The following OR6C2 variants were observed in gnomAD, a reference collection of about 807,000 sequenced individuals.
OR6C2 encodes the protein olfactory receptor 6C2.
For missense variants in OR6C2, 435 were observed against 365.8 expected (o/e 1.19, Z -1.54); for synonymous variants, 146 against 134.2 (o/e 1.09, Z -0.61).
At chr12:55,447,968 G>A (rs774456770) in intron 1 of OR6C2, among the ~76,000 whole-genome samples, 8 of 152,016 alleles carry the variant, frequency 5.3e-5, no homozygotes, top group Non-Finnish European at 8.8e-5. Context: ...GTGTACAAGC[G>A]TTTCTATTTC....
At chr12:55,450,506 A>C (rs1326325924) in intron 1 of OR6C2, among the ~76,000 whole-genome samples, 1 of 152,138 alleles carries the variant, frequency 6.6e-6, no homozygotes, top group Non-Finnish European at 1.5e-5. Context: ...AGCAATAGGT[A>C]ACACCAGTGG....
In OR6C2 at chr12:55,447,471, T is replaced by C. The variant is rs117763760; in HGVS notation, c.-888+3312T>C. ...CTGCATAACTGAAACTTTATAACTATTGAACAACAACTCCCCATTTTCCCA... is the reference window on the plus strand; with the variant it reads ...CTGCATAACTGAAACTTTATAACTACTGAACAACAACTCCCCATTTTCCCA... On this transcript the variant is annotated intron_variant, in intron 1 of 1. Coordinates refer to ENST00000641202, the MANE Select transcript of OR6C2 (RefSeq NM_054105.2). Among the ~76,000 whole-genome samples, 560 of 152,254 alleles carry C rather than the reference T, an allele frequency of 3.7e-3. 19 individuals carry two copies. The East Asian group carries it at 0.082, about 22-fold the overall frequency.
chr12:55,452,060 T>C lies in OR6C2; in HGVS notation c.-154T>C, dbSNP rs941434481. 1 of 526,208 alleles carries C rather than the reference T, an allele frequency of 1.9e-6. No homozygotes were observed. The highest frequency in any genetic ancestry group is 3.3e-6 in the Non-Finnish European group (1 of 300,346). 32.6% of individuals were successfully genotyped at this position (526,208 alleles called of 1,614,324 possible). A position where few individuals can be genotyped will look rare whatever the true frequency, so the allele number is the denominator to read the frequency against. ...AAATTTAGAAAGGTTATTGGAACAC[T>C]GGCAACATTGATTATTCTATAAAGG... On this transcript the variant is annotated 5_prime_UTR_variant, in exon 2 of 2. Transcript: ENST00000641202.
Position 55,452,945 on chromosome 12 carries a change from T to C in OR6C2, c.732T>C (p.Ile244=). 1 of 1,613,698 alleles carries C rather than the reference T, an allele frequency of 6.2e-7. No homozygotes were observed. Among genetic ancestry groups the C allele is most frequent in the Non-Finnish European group, 8.5e-7 (1 of 1,179,748 alleles). Residue 244 remains isoleucine (I), a synonymous_variant, in exon 2 of 2, where the codon ATT becomes ATC. Coordinates refer to ENST00000641202, the MANE Select transcript of OR6C2 (RefSeq NM_054105.2). ...KAFSTCSSHM[I]VVSIAYGSCI... ...TTTCTACCTGTTCATCCCACATGAT[T>C]GTGGTTTCCATTGCCTATGGAAGCT...
Position 55,452,357 on chromosome 12 carries a change from G to T in OR6C2, c.144G>T (p.Leu48Phe), listed in dbSNP as rs756773131. The T allele has an allele frequency of 5.6e-6, 9 of 1,613,478 alleles. No individual in the cohort carries two copies. The highest frequency in any genetic ancestry group is 1.3e-5 in the African/African-American group (1 of 74,878). Residue 48 changes from leucine (L) to phenylalanine (F), a missense_variant, in exon 2 of 2, where the codon TTG (leucine) becomes TTT (phenylalanine). Physicochemically the swap from Leu to Phe is conservative, Grantham distance 22. Transcript: ENST00000641202. The stretch of plus-strand genomic sequence containing the variant: ...ACCTGACTATTATCACCCTCACATT[G>T]GTGGACCACCACCTTAAAACTCCTA... Reference protein sequence around the residue: ...TGNLTIITLTLVDHHLKTPMY... With the variant: ...TGNLTIITLTFVDHHLKTPMY...
Position 55,451,345 on chromosome 12 carries a change from C to G in OR6C2, c.-869C>G, listed in dbSNP as rs755190025. The G allele has an allele frequency of 6.6e-6, 1 of 151,966 alleles. No homozygotes were observed. Among genetic ancestry groups the G allele is most frequent in the Non-Finnish European group, 1.5e-5 (1 of 67,958 alleles). The allele number at this position is 151,966 out of a possible 1,614,324, so 9.4% of individuals were successfully genotyped here. A position where few individuals can be genotyped will look rare whatever the true frequency, so the allele number is the denominator to read the frequency against. Reference sequence around the variant, plus strand: ...TTCCCAGCCTCTGGTAAACATCCTTCTACTCTCTATGTCTATGAGTTCAAC... The same window carrying G: ...TTCCCAGCCTCTGGTAAACATCCTTGTACTCTCTATGTCTATGAGTTCAAC... On this transcript the variant is annotated 5_prime_UTR_variant, in exon 2 of 2. Coordinates refer to ENST00000641202, the MANE Select transcript of OR6C2 (RefSeq NM_054105.2).
Position 55,452,946 on chromosome 12 carries a change from G to A in OR6C2, c.733G>A (p.Val245Met), listed in dbSNP as rs1186872608. 2 of 1,613,562 alleles carry A rather than the reference G, an allele frequency of 1.2e-6. No individual in the cohort carries two copies. Among genetic ancestry groups the A allele is most frequent in the South Asian group, 1.1e-5 (1 of 91,086 alleles). The change falls in exon 2 of 2, where the codon GTG becomes ATG. Residue 245 changes from valine (V) to methionine (M), a missense_variant. Physicochemically the swap from Val to Met is conservative, Grantham distance 21. Transcript: ENST00000641202. ...TTCTACCTGTTCATCCCACATGATTGTGGTTTCCATTGCCTATGGAAGCTG... is the reference window on the plus strand; with the variant it reads ...TTCTACCTGTTCATCCCACATGATTATGGTTTCCATTGCCTATGGAAGCTG... The part of the protein sequence containing the change: ...AFSTCSSHMI[V>M]VSIAYGSCIF...
At chr12:55,446,286 A>C (rs1468908307) in intron 1 of OR6C2, among the ~76,000 whole-genome samples, 1 of 152,036 alleles carries the variant, frequency 6.6e-6, no homozygotes, top group Non-Finnish European at 1.5e-5. Context: ...AGTAGCTGGG[A>C]TTACAGGCAT....
chr12:55,451,043 C>T (rs576416685), intron 1 of OR6C2, among the ~76,000 whole-genome samples: 2 of 131,228 alleles, frequency 1.5e-5, no homozygotes, highest in South Asian at 2.3e-4. Context: ...TAATTTTATG[C>T]GTACATAGCA....
At position 55,452,695 on chromosome 12, in the gene OR6C2, G is replaced by C; in HGVS notation, c.482G>C (p.Gly161Ala). The C allele has an allele frequency of 1.2e-6, 2 of 1,613,674 alleles. No homozygotes were observed. The highest frequency in any genetic ancestry group is 1.7e-6 in the Non-Finnish European group (2 of 1,179,814). Residue 161 changes from glycine to alanine, a missense_variant, in exon 2 of 2, where the codon GGC becomes GCC. By Grantham distance (60) the Gly-to-Ala change is moderately conservative. Coordinates refer to ENST00000641202, the MANE Select transcript of OR6C2 (RefSeq NM_054105.2). Reference sequence around the variant, plus strand: ...ATCATTGTTCCACCACTTAGCTTAGGCCTCCAGCTCGAATTCTGTGACTCC... The same window carrying C: ...ATCATTGTTCCACCACTTAGCTTAGCCCTCCAGCTCGAATTCTGTGACTCC... The part of the protein sequence containing the change: ...LMIIVPPLSL[G>A]LQLEFCDSNA...
chr12:55,452,861 C>T lies in OR6C2; in HGVS notation c.648C>T (p.Tyr216=), dbSNP rs1057027188. The change falls in exon 2 of 2, where the codon TAC becomes TAT. Residue 216 remains tyrosine, a synonymous_variant. Coordinates refer to ENST00000641202, the MANE Select transcript of OR6C2 (RefSeq NM_054105.2). ...IITLVCVILS[Y]LYIVRTILKF... The stretch of plus-strand genomic sequence containing the variant: ...CCCTAGTTTGTGTGATTCTGTCCTA[C>T]TTGTACATAGTCAGAACAATTCTGA... 2 of 1,613,730 alleles carry T rather than the reference C, an allele frequency of 1.2e-6. No individual in the cohort carries two copies. Among genetic ancestry groups the T allele is most frequent in the Non-Finnish European group, 1.7e-6 (2 of 1,179,826 alleles).
chr12:55,444,662 G>A (rs895309209), intron 1 of OR6C2, among the ~76,000 whole-genome samples: 27 of 152,232 alleles, frequency 1.8e-4, no homozygotes, highest in African/African-American at 3.6e-4. Context: ...CGATCAAGGC[G>A]TAGAAGACTA....
intron 1 of OR6C2, among the ~76,000 whole-genome samples, chr12:55,447,164 C>T (rs1490781011): frequency 6.6e-6 from 1 of 152,078 alleles, no homozygotes; most frequent in Non-Finnish European, 1.5e-5. Context: ...TCACTATATA[C>T]GTTTTAACAG....
At position 55,452,347 on chromosome 12, in the gene OR6C2, C is replaced by T. The variant is rs139837928; in HGVS notation, c.134C>T (p.Thr45Ile). 1 of 1,613,606 alleles carries T rather than the reference C, an allele frequency of 6.2e-7. No individual in the cohort carries two copies. Among genetic ancestry groups the T allele is most frequent in the South Asian group, 1.1e-5 (1 of 91,056 alleles). The change falls in exon 2 of 2, where the codon ACC becomes ATC. Residue 45 changes from threonine to isoleucine, a missense_variant. Thr to Ile is a moderately conservative substitution (Grantham distance 89). Coordinates refer to ENST00000641202, the MANE Select transcript of OR6C2 (RefSeq NM_054105.2). ...LSVTGNLTII[T>I]LTLVDHHLKT... Reference sequence around the variant, plus strand: ...GTAACAGGGAACCTGACTATTATCACCCTCACATTGGTGGACCACCACCTT... The same window carrying T: ...GTAACAGGGAACCTGACTATTATCATCCTCACATTGGTGGACCACCACCTT...
chr12:55,452,878 C>G lies in OR6C2; in HGVS notation c.665C>G (p.Thr222Arg), dbSNP rs759876401. Residue 222 changes from threonine to arginine, a missense_variant, in exon 2 of 2, where the codon ACA becomes AGA. Thr to Arg is a moderately conservative substitution (Grantham distance 71). Coordinates refer to ENST00000641202, the MANE Select transcript of OR6C2 (RefSeq NM_054105.2). ...CTGTCCTACTTGTACATAGTCAGAACAATTCTGAAGTTCCCTTCTGTTCAG... is the reference window on the plus strand; with the variant it reads ...CTGTCCTACTTGTACATAGTCAGAAGAATTCTGAAGTTCCCTTCTGTTCAG... ...VILSYLYIVR[T>R]ILKFPSVQQR... 2.5e-6 allele frequency: 4 copies of G among 1,613,828 alleles called. 1 individual carries two copies. In the South Asian group the frequency reaches 4.4e-5, roughly 18 times the overall value.
chr12:55,446,357 C>T (rs945351497), intron 1 of OR6C2, among the ~76,000 whole-genome samples: 1 of 152,116 alleles, frequency 6.6e-6, no homozygotes, highest in Non-Finnish European at 1.5e-5. Context: ...CCATGTTGGT[C>T]AGGCTGGTCT....
Position 55,453,277 on chromosome 12 carries a change from A to C in OR6C2, c.*125A>C. The C allele has an allele frequency of 1.5e-6, 1 of 656,494 alleles. No individual in the cohort carries two copies. Among genetic ancestry groups the C allele is most frequent in the Non-Finnish European group, 2.6e-6 (1 of 381,438 alleles). The allele number at this position is 656,494 out of a possible 1,614,324, so 40.7% of individuals were successfully genotyped here. ...ATGTGAACCTTCTCAATGACATTTAATATTGCATCCTAATCCCATCTTTAT... is the reference window on the plus strand; with the variant it reads ...ATGTGAACCTTCTCAATGACATTTACTATTGCATCCTAATCCCATCTTTAT... On this transcript the variant is annotated 3_prime_UTR_variant, in exon 2 of 2. Transcript: ENST00000641202.
At position 55,444,626 on chromosome 12, in the gene OR6C2, C is replaced by T. The variant is rs1415421475; in HGVS notation, c.-888+467C>T. Among the ~76,000 whole-genome samples the T allele has an allele frequency of 2.6e-5, 4 of 152,114 alleles. No homozygotes were observed. The South Asian group carries it at 8.3e-4, about 31-fold the overall frequency. On this transcript the variant is annotated intron_variant, in intron 1 of 1. Coordinates refer to ENST00000641202, the MANE Select transcript of OR6C2 (RefSeq NM_054105.2). ...AGACCGAGAGACCTTTGTGTTGTTG[C>T]TCATGATGCACTGCACTGCACAAGA...
rs867598625 is a variant in OR6C2, at chr12:55,453,268, T to A, written c.*116T>A. Reference sequence around the variant, plus strand: ...AGTTTAGTCATGTGAACCTTCTCAATGACATTTAATATTGCATCCTAATCC... The same window carrying A: ...AGTTTAGTCATGTGAACCTTCTCAAAGACATTTAATATTGCATCCTAATCC... On this transcript the variant is annotated 3_prime_UTR_variant, in exon 2 of 2. Coordinates refer to ENST00000641202, the MANE Select transcript of OR6C2 (RefSeq NM_054105.2). 1 of 689,260 alleles carries A rather than the reference T, an allele frequency of 1.5e-6. No individual in the cohort carries two copies. The highest frequency in any genetic ancestry group is 3.6e-4 in the Middle Eastern group (1 of 2,748). 42.7% of individuals were successfully genotyped at this position (689,260 alleles called of 1,614,324 possible).
Sources: gnomAD v4.1 joint callset for allele counts (sites outside exome capture counted in the v4.1 genomes callset) on GRCh38, gnomAD v4.1.1 for gene constraint, MANE v1.5 for transcripts, NCBI Gene and HGNC (gene_info 2026-07-23, HGNC 2026-07-21) for gene names.